Variants in MAGEA11 observed in about 807,000 individuals in gnomAD.
The protein encoded by MAGEA11 is MAGE family member A11.
Under a neutral mutation model 8.4 loss-of-function variants are expected in MAGEA11, and 1 was observed. The observed-to-expected ratio is 0.12, with a 90% CI of 0.04 to 0.57. The LOEUF is 0.57. Among genes scored for constraint, MAGEA11 ranks in the 20% least tolerant of loss-of-function variants. The pLI is 0.91. For missense variants in MAGEA11, 209 were observed against 317.3 expected (o/e 0.66, Z 2.59); for synonymous variants, 127 against 119.3 (o/e 1.06, Z -0.42).
rs140941295 is a variant in MAGEA11, at chrX:149,698,761, G to T, written c.9+9777G>T. On this transcript the variant is annotated intron_variant, in intron 1 of 3. Transcript: ENST00000333104. ...GCATGCATTAGCTATTTTTCCTGTT[G>T]CTCTCTTTCCCTTGCACCACCGACA... 9.4e-3 allele frequency among the ~76,000 whole-genome samples: 1,036 copies of T among 110,532 alleles called. 15 individuals are homozygous for T. Among genetic ancestry groups the T allele is most frequent in the African/African-American group, 0.033 (988 of 30,339 alleles).
chrX:149,694,014 C>T (rs781895061), intron 1 of MAGEA11, among the ~76,000 whole-genome samples: 2 of 111,805 alleles, frequency 1.8e-5, no homozygotes, highest in East Asian at 5.6e-4. Flanking sequence ...ATGAATAATG[C>T]GTCTATGTGC....
chrX:149,706,703 C>A (rs2090378950), intron 1 of MAGEA11, among the ~76,000 whole-genome samples: 1 of 111,754 alleles, frequency 8.9e-6, no homozygotes, highest in Non-Finnish European at 1.9e-5. Context: ...TGGAGAGCTG[C>A]AATTCCAAGC....
intron 1 of MAGEA11, among the ~76,000 whole-genome samples, chrX:149,699,260 C>G (rs1303779): frequency 0.24 from 26,123 of 110,947 alleles, 2,857 homozygotes; most frequent in East Asian, 0.68. Context: ...GTCTTTTGGG[C>G]AGATCTCACA....
At chrX:149,710,641 TTTTC>T (rs782304621), upstream of MAGEA11, among the ~76,000 whole-genome samples, 7 of 110,261 alleles carry the variant, frequency 6.3e-5, no homozygotes, top group Admixed American at 3.9e-4. Flanking sequence ...TTCTTTTTCT[TTTTC>T]TTTCTTTCTT....
At chrX:149,691,865 T>C (rs1270247257) in intron 1 of MAGEA11, among the ~76,000 whole-genome samples, 1 of 112,965 alleles carries the variant, frequency 8.9e-6, no homozygotes, top group East Asian at 2.8e-4. Context: ...CACTTTATTT[T>C]CTATCTCTCA....
Position 149,716,813 on chromosome X carries a change from G to A in MAGEA11, c.*37G>A. ...AACCAGGGCCAGCGGGCAGGGAAAT[G>A]GGCCAATGCATGCTTCAGGGCCACA... On this transcript the variant is annotated 3_prime_UTR_variant, in exon 5 of 5. Transcript: ENST00000355220. 1 of 1,133,267 alleles carries A rather than the reference G, an allele frequency of 8.8e-7. No individual in the cohort carries two copies. Among genetic ancestry groups the A allele is most frequent in the Non-Finnish European group, 1.2e-6 (1 of 843,304 alleles). The allele number at this position is 1,133,267 out of a possible 1,213,427, so 93.4% of individuals were successfully genotyped here. A position where few individuals can be genotyped will look rare whatever the true frequency, so the allele number is the denominator to read the frequency against.
chrX:149,699,950 C>A (rs922224169), intron 1 of MAGEA11, among the ~76,000 whole-genome samples: 31 of 111,755 alleles, frequency 2.8e-4, no homozygotes, highest in African/African-American at 1.0e-3. Context: ...CATAAGGCTG[C>A]AGGATGGAGG....
chrX:149,705,061 C>T (rs891230840), intron 1 of MAGEA11, among the ~76,000 whole-genome samples: 11 of 112,537 alleles, frequency 9.8e-5, no homozygotes, highest in African/African-American at 2.9e-4. Context: ...CACTAGCCCC[C>T]GCTATCCCTA....
At position 149,701,672 on chromosome X, in the gene MAGEA11, T is replaced by G. The variant is rs7064023; in HGVS notation, c.9+12688T>G. Among the ~76,000 whole-genome samples the G allele has an allele frequency of 4.5e-3, 500 of 110,070 alleles. 2 individuals carry two copies. Among genetic ancestry groups the G allele is most frequent in the African/African-American group, 0.015 (467 of 30,184 alleles). ...TCTGTCCTGAATGGTAATGCCTAGG[T>G]TTTCTTCTAGGGTTTTTATGGTTTT... On this transcript the variant is annotated intron_variant, in intron 1 of 3. Coordinates refer to the MAGEA11 transcript ENST00000333104.
chrX:149,690,530 G>A (rs1023071879), intron 1 of MAGEA11, among the ~76,000 whole-genome samples: 1 of 111,676 alleles, frequency 9.0e-6, no homozygotes, highest in African/African-American at 3.3e-5. Context: ...AAAAACCAAC[G>A]GTATACTTCC....
In MAGEA11 at chrX:149,689,136, C is replaced by T. The variant is rs1557359924; in HGVS notation, c.9+152C>T. The stretch of plus-strand genomic sequence containing the variant: ...TCCCATGGTTTCTGCGTCCTTGTCA[C>T]AACAGAGAACCTGTGTCCTGTGACT... On this transcript the variant is annotated intron_variant, in intron 1 of 3. Coordinates refer to the MAGEA11 transcript ENST00000333104. 6.8e-6 allele frequency: 3 copies of T among 441,445 alleles called. No individual in the cohort carries two copies. In the Admixed American group the frequency reaches 8.2e-5, roughly 12 times the overall value. 36.4% of individuals were successfully genotyped at this position (441,445 alleles called of 1,213,427 possible). A position where few individuals can be genotyped will look rare whatever the true frequency, so the allele number is the denominator to read the frequency against.
At position 149,716,098 on chromosome X, in the gene MAGEA11, G is replaced by A. The variant is rs1463392812; in HGVS notation, c.612G>A (p.Gly204=). Residue 204 remains glycine (G), a synonymous_variant, in exon 5 of 5, where the codon GGG becomes GGA. Transcript: ENST00000355220. ...GCTCTGGCAGCCAAGAAAAGGAGGGGCCAAGTACCTCGCCTGACCTGATAG... is the reference window on the plus strand; with the variant it reads ...GCTCTGGCAGCCAAGAAAAGGAGGGACCAAGTACCTCGCCTGACCTGATAG... ...DEGSGSQEKE[G]PSTSPDLIDP... is the part of the protein sequence containing the mutation. The A allele has an allele frequency of 1.7e-6, 2 of 1,211,836 alleles. No homozygotes were observed. The highest frequency in any genetic ancestry group is 3.5e-5 in the African/African-American group (2 of 57,824).
chrX:149,705,555 A>G (rs1057408428), intron 1 of MAGEA11, among the ~76,000 whole-genome samples: 16 of 112,416 alleles, frequency 1.4e-4, no homozygotes, highest in African/African-American at 5.2e-4. Flanking sequence ...TACAGCTTTC[A>G]AGAAGCATGC....
intron 1 of MAGEA11, among the ~76,000 whole-genome samples, chrX:149,694,238 A>G (rs1403866555): frequency 1.8e-5 from 2 of 111,945 alleles, no homozygotes; most frequent in Non-Finnish European, 1.9e-5. Flanking sequence ...ATTGTCTGTC[A>G]TTTTTATTTT....
chrX:149,698,007 T>C (rs2090336980), intron 1 of MAGEA11, among the ~76,000 whole-genome samples: 1 of 112,552 alleles, frequency 8.9e-6, no homozygotes, highest in Non-Finnish European at 1.9e-5. Flanking sequence ...CTCAGCCACG[T>C]GGAACTATTA....
intron 1 of MAGEA11, among the ~76,000 whole-genome samples, chrX:149,702,455 C>T (rs1441951975): frequency 3.6e-5 from 4 of 110,889 alleles, no homozygotes; most frequent in Non-Finnish European, 7.6e-5. Context: ...ATTTTAAAGT[C>T]TATTTTGTCT....
At chrX:149,709,985 G>A (rs782411750), upstream of MAGEA11, among the ~76,000 whole-genome samples, 1 of 111,785 alleles carries the variant, frequency 8.9e-6, no homozygotes, top group South Asian at 3.8e-4. Context: ...TAAATAAGAG[G>A]TATGTGTATT....
At chrX:149,708,033 C>T (rs2344707), upstream of MAGEA11, among the ~76,000 whole-genome samples, 243 of 111,101 alleles carry the variant, frequency 2.2e-3, 4 homozygotes, top group East Asian at 0.059. Context: ...TTGTCAGATG[C>T]GTAGTTGGGG....
chrX:149,712,911 C>G lies in MAGEA11; in HGVS notation c.-17-232C>G, dbSNP rs1294667274. ...GCAAGGCTCCCTCTCTGCTGTCAGT[C>G]CTGGGAAGTTCCTGGCATTGCTGCC... On this transcript the variant is annotated intron_variant, in intron 1 of 4. Transcript: ENST00000355220. Among the ~76,000 whole-genome samples the G allele has an allele frequency of 2.7e-5, 3 of 112,392 alleles. No homozygotes were observed. In the East Asian group the frequency reaches 8.5e-4, roughly 32 times the overall value.
Sources: gnomAD v4.1 joint callset for allele counts (sites outside exome capture counted in the v4.1 genomes callset) on GRCh38, gnomAD v4.1.1 for gene constraint, MANE v1.5 for transcripts, NCBI Gene and HGNC (gene_info 2026-07-23, HGNC 2026-07-21) for gene names.